The following CCDC7 variants were observed in gnomAD, a reference collection of about 807,000 sequenced individuals.
CCDC7 encodes coiled-coil domain-containing protein 7.
In CCDC7, 183 loss-of-function variants were observed where a neutral mutation model predicts 196.9. The observed-to-expected ratio is 0.93, with a 90% CI of 0.82 to 1.05. CCDC7 has a LOEUF of 1.05. CCDC7 is among the 50% of genes least tolerant of loss of function. The probability of loss-of-function intolerance (pLI) is 0.00; values close to 1 mark genes in which losing one functional copy is unlikely to be tolerated. For missense variants in CCDC7, 1,540 were observed against 1,482.2 expected, an observed-to-expected ratio of 1.04 and a Z score of -0.64; for synonymous variants, 525 against 484.6, an observed-to-expected ratio of 1.08 and a Z score of -1.10.
At chr10:32,579,275 T>G (rs2058518156) in intron 16 of CCDC7, among the ~76,000 whole-genome samples, 1 of 152,174 alleles carries the variant, frequency 6.6e-6, no homozygotes, top group Admixed American at 6.5e-5. Flanking sequence ...CATTGCATAG[T>G]GCATTGATTA....
chr10:32,589,107 ATT>A (rs1378733554), intron 18 of CCDC7, among the ~76,000 whole-genome samples: 9 of 152,028 alleles, frequency 5.9e-5, no homozygotes, highest in African/African-American at 2.2e-4. Context: ...GATCTTATTC[ATT>A]CTTTCTGGTT....
At chr10:32,475,631 A>G (rs981200299) in intron 8 of CCDC7, among the ~76,000 whole-genome samples, 4 of 152,132 alleles carry the variant, frequency 2.6e-5, no homozygotes, top group Non-Finnish European at 4.4e-5. Context: ...TTTCAGTGGC[A>G]GTTGTTTCAG....
At chr10:32,503,876 T>TTTTCTTCTAGGTTG (rs200815856) in intron 9 of CCDC7, among the ~76,000 whole-genome samples, 6,269 of 152,022 alleles carry the variant, frequency 0.041, 430 homozygotes, top group African/African-American at 0.14. Flanking sequence ...AATTTCCTAA[T>TTTTCTTCTAGGTTG]TTTCTTCTAG....
At chr10:32,512,506 G>A (rs1030418076) in intron 9 of CCDC7, 1 of 152,150 alleles carries the variant, frequency 6.6e-6, no homozygotes, top group Non-Finnish European at 1.5e-5. Flanking sequence ...GCATAGGCAA[G>A]GCAAAGGCAT....
intron 29 of CCDC7, among the ~76,000 whole-genome samples, chr10:32,780,907 A>T (rs1248479276): frequency 6.6e-6 from 1 of 152,150 alleles, no homozygotes; most frequent in Non-Finnish European, 1.5e-5. Context: ...AGATGAACAA[A>T]AATGACAAAA....
At chr10:32,574,652 CAT>C in intron 16 of CCDC7, 1 of 402,872 alleles carries the variant, frequency 2.5e-6, no homozygotes, top group Non-Finnish European at 4.0e-6. Flanking sequence ...TGTTTCACAT[CAT>C]GTGCGTTGTT....
exon 1 of CCDC7, chr10:32,446,229 A>G (rs1452332385): frequency 1.3e-5 from 2 of 152,106 alleles, no homozygotes; most frequent in Non-Finnish European, 2.9e-5. Flanking sequence ...TTCAGCACAA[A>G]CGTCAGTTTG....
intron 41 of CCDC7, among the ~76,000 whole-genome samples, chr10:32,864,362 G>A (rs2094128538): frequency 6.6e-6 from 1 of 151,438 alleles, no homozygotes; most frequent in African/African-American, 2.4e-5. Context: ...ATAACAAGAA[G>A]GGACAATGCC....
intron 21 of CCDC7, among the ~76,000 whole-genome samples, chr10:32,674,431 C>A (rs944300920): frequency 1.3e-5 from 2 of 151,946 alleles, no homozygotes; most frequent in Non-Finnish European, 2.9e-5. Flanking sequence ...TAGTTTCATA[C>A]CATTGTGACT....
chr10:32,513,169 G>A (rs2046490912), intron 9 of CCDC7: 1 of 152,072 alleles, frequency 6.6e-6, no homozygotes, highest in Middle Eastern at 3.2e-3. Flanking sequence ...GTTTTTGTTA[G>A]TAGGAGTATG....
At chr10:32,677,878 A>T (rs1293361319) in intron 21 of CCDC7, among the ~76,000 whole-genome samples, 1 of 151,968 alleles carries the variant, frequency 6.6e-6, no homozygotes, top group Non-Finnish European at 1.5e-5. Context: ...ATCTTATAGG[A>T]TTTCTTCACT....
chr10:32,681,742 C>T (rs2075882611), intron 21 of CCDC7, among the ~76,000 whole-genome samples: 1 of 71,432 alleles, frequency 1.4e-5, no homozygotes, highest in Non-Finnish European at 3.6e-5. Context: ...TATGTATACA[C>T]ACACACACAC....
At chr10:32,660,619 A>C (rs946498346) in intron 20 of CCDC7, among the ~76,000 whole-genome samples, 1 of 150,926 alleles carries the variant, frequency 6.6e-6, no homozygotes, top group African/African-American at 2.4e-5. Context: ...AGCATGATTT[A>C]TAGTCCTTTG....
At chr10:32,511,561 T>C (rs1467254351) in intron 9 of CCDC7, 1 of 1,606,956 alleles carries the variant, frequency 6.2e-7, no homozygotes, top group African/African-American at 1.3e-5. Context: ...TTAATGTGTA[T>C]GCAGAAACCA....
At chr10:32,638,745 A>C (rs1270400437) in intron 20 of CCDC7, among the ~76,000 whole-genome samples, 7 of 152,228 alleles carry the variant, frequency 4.6e-5, no homozygotes, top group Admixed American at 1.3e-4. Context: ...CTGGCCTCAT[A>C]AAATGAGTTA....
At chr10:32,776,975 T>C (rs893256752) in intron 28 of CCDC7, among the ~76,000 whole-genome samples, 1 of 152,194 alleles carries the variant, frequency 6.6e-6, no homozygotes, top group African/African-American at 2.4e-5. Flanking sequence ...TGTTGTGTGA[T>C]GCTGAGGTCT....
intron 31 of CCDC7, among the ~76,000 whole-genome samples, chr10:32,823,079 G>T (rs2090523914): frequency 6.6e-6 from 1 of 151,712 alleles, no homozygotes; most frequent in South Asian, 2.1e-4. Context: ...GTTTTCTGTT[G>T]CATATAGCTA....
rs1033154511 is a variant in CCDC7, at chr10:32,511,467, C to G, written c.873-6478C>G. On this transcript the variant is annotated intron_variant, in intron 9 of 41. Transcript: ENST00000639629. ...ATTTCCTTGACTCTGTTCATATATA[C>G]TCTGATTCTTTCCAATTCCTGTTTT... 5.0e-6 allele frequency: 8 copies of G among 1,607,358 alleles called. No homozygotes were observed. The Admixed American group carries it at 8.3e-5, about 17-fold the overall frequency.
chr10:32,605,434 G>C (rs145986491), intron 18 of CCDC7, among the ~76,000 whole-genome samples: 169 of 152,260 alleles, frequency 1.1e-3, no homozygotes, highest in African/African-American at 3.9e-3. Flanking sequence ...GGAAAAATTT[G>C]GAGGGCTCCG....
Sources: gnomAD v4.1 joint callset for allele counts (sites outside exome capture counted in the v4.1 genomes callset) on GRCh38, gnomAD v4.1.1 for gene constraint, MANE v1.5 for transcripts, NCBI Gene and HGNC (gene_info 2026-07-23, HGNC 2026-07-21) for gene names.